STRAP: variants seen among roughly 807,000 people sequenced by gnomAD.
The protein encoded by STRAP is serine-threonine kinase receptor-associated protein.
STRAP carries 16 observed loss-of-function variants against 47.0 expected under a neutral mutation model. That is an observed-to-expected ratio of 0.34 (90% CI 0.23 to 0.52). The LOEUF (loss-of-function observed/expected upper bound fraction) is 0.52, where lower values mean the gene tolerates loss of function less well. STRAP is among the 20% of genes least tolerant of loss of function. STRAP has a pLI of 0.96. For synonymous variants in STRAP, 130 were observed against 142.7 expected, an observed-to-expected ratio of 0.91 and a Z score of 0.63; for missense variants, 293 against 420.0, an observed-to-expected ratio of 0.70 and a Z score of 2.64.
intron 9 of STRAP, among the ~76,000 whole-genome samples, chr12:15,901,716 C>T (rs997003031): frequency 6.6e-6 from 1 of 151,826 alleles, no homozygotes; most frequent in African/African-American, 2.4e-5. Context: ...CAAAAATTAG[C>T]CGGTCATGGT....
intron 1 of STRAP, chr12:15,883,141 T>A: frequency 6.5e-7 from 1 of 1,535,606 alleles, no homozygotes; most frequent in Non-Finnish European, 8.7e-7. Context: ...TTTCAAGGAT[T>A]TGGGGAAAGG....
chr12:15,889,016 C>A (rs975383337), intron 2 of STRAP, among the ~76,000 whole-genome samples: 1 of 152,142 alleles, frequency 6.6e-6, no homozygotes, highest in Non-Finnish European at 1.5e-5. Context: ...AAATGGAAAT[C>A]TCTATGGAAC....
chr12:15,902,223 C>T (rs976133861), intron 9 of STRAP, among the ~76,000 whole-genome samples: 19 of 152,138 alleles, frequency 1.2e-4, no homozygotes, highest in Admixed American at 3.3e-4. Flanking sequence ...CTGCCCACCT[C>T]GGCCTCCCAA....
At chr12:15,883,120 C>G in intron 1 of STRAP, 1 of 1,535,604 alleles carries the variant, frequency 6.5e-7, no homozygotes, top group Non-Finnish European at 8.7e-7. Context: ...CGGGACAACA[C>G]GGTAAATAGC....
chr12:15,898,601 TAGTA>T (rs1948079435), intron 7 of STRAP, among the ~76,000 whole-genome samples: 1 of 152,180 alleles, frequency 6.6e-6, no homozygotes, highest in African/African-American at 2.4e-5. Context: ...TAACAGTCCT[TAGTA>T]AGGGAAAGGG....
Position 15,890,800 on chromosome 12 carries a change from C to T in STRAP, c.403+131C>T, listed in dbSNP as rs895106542. 1.4e-6 allele frequency: 1 copy of T among 710,092 alleles called. No individual in the cohort carries two copies. The highest frequency in any genetic ancestry group is 2.3e-6 in the Non-Finnish European group (1 of 437,170). The allele number at this position is 710,092 out of a possible 1,614,324, so 44.0% of individuals were successfully genotyped here. A position where few individuals can be genotyped will look rare whatever the true frequency, so the allele number is the denominator to read the frequency against. ...CATGGCCGGGCACGGTGGCTCATACCTGTAATCCTAGCACTTTGGGAGACT... is the reference window on the plus strand; with the variant it reads ...CATGGCCGGGCACGGTGGCTCATACTTGTAATCCTAGCACTTTGGGAGACT... On this transcript the variant is annotated intron_variant, in intron 4 of 9. Coordinates refer to ENST00000419869, the MANE Select transcript of STRAP (RefSeq NM_007178.4). The surrounding 1 kb of genome is among the most constrained non-coding windows in gnomAD (Gnocchi z 4.5).
At chr12:15,889,632 G>A (rs1565574288) in intron 2 of STRAP, among the ~76,000 whole-genome samples, 1 of 152,128 alleles carries the variant, frequency 6.6e-6, no homozygotes, top group Admixed American at 6.5e-5. Flanking sequence ...AAGTAAGGAG[G>A]ATGGGTTGGT....
intron 8 of STRAP, among the ~76,000 whole-genome samples, chr12:15,900,564 C>A (rs946419236): frequency 2.0e-5 from 3 of 151,536 alleles, no homozygotes; most frequent in East Asian, 1.9e-4. Flanking sequence ...CTAGTCTGTT[C>A]CTAAATTTTT....
Position 15,896,534 on chromosome 12 carries a change from GT to G in STRAP, c.638+1039del, listed in dbSNP as rs985344822. ...TCTATGTTATATATGTGGGTGTACA[GT>G]ATTTGTGTTTTTTTTTTTAATTACT... On this transcript the variant is annotated intron_variant, in intron 6 of 9. Coordinates refer to ENST00000419869, the MANE Select transcript of STRAP (RefSeq NM_007178.4). This position sits in a 1 kb window ranked among gnomAD's most constrained non-coding sequence, Gnocchi z 4.1. 6.6e-6 allele frequency among the ~76,000 whole-genome samples: 1 copy of G among 151,598 alleles called. No individual in the cohort carries two copies. Among genetic ancestry groups the G allele is most frequent in the Non-Finnish European group, 1.5e-5 (1 of 67,910 alleles).
rs143238703 is a variant in STRAP at position 15,898,315 on chromosome 12, G to A, written c.775+297G>A. 6.1e-3 allele frequency: 1,091 copies of A among 179,774 alleles called. 14 individuals carry two copies. The highest frequency in any genetic ancestry group is 0.025 in the African/African-American group (1,049 of 41,778). 11.1% of individuals were successfully genotyped at this position (179,774 alleles called of 1,614,324 possible). A position where few individuals can be genotyped will look rare whatever the true frequency, so the allele number is the denominator to read the frequency against. On this transcript the variant is annotated intron_variant, in intron 7 of 9. Transcript: ENST00000419869. ...AGTTTTAGGCTTTATTGGCTGGGAG[G>A]GAGGGGGGAATCTTATGTCAAAGTC...
rs1948054798 is a variant in STRAP, at chr12:15,895,824, C to T, written c.638+328C>T. On this transcript the variant is annotated intron_variant, in intron 6 of 9. Transcript: ENST00000419869. ...GCTGCATTTTGCTGTGATCTTGACA[C>T]TGCACTCCAGTCTGGATGACAAAGC... Among the ~76,000 whole-genome samples, 4 of 141,326 alleles carry T rather than the reference C, an allele frequency of 2.8e-5. No individual in the cohort carries two copies. In the Admixed American group the frequency reaches 3.0e-4, roughly 10 times the overall value. The allele number at this position is 141,326 out of a possible 152,430, so 92.7% of individuals were successfully genotyped here.
intron 2 of STRAP, among the ~76,000 whole-genome samples, chr12:15,885,688 A>G (rs941753322): frequency 6.6e-6 from 1 of 151,994 alleles, no homozygotes; most frequent in African/African-American, 2.4e-5. Flanking sequence ...TTCAAGTCTC[A>G]ATGTCTGTGT....
In STRAP at chr12:15,897,863, T is replaced by C; in HGVS notation, c.639-19T>C. 2 of 1,484,020 alleles carry C rather than the reference T, an allele frequency of 1.3e-6. No homozygotes were observed. The highest frequency in any genetic ancestry group is 1.8e-6 in the Non-Finnish European group (2 of 1,116,224). 91.9% of individuals were successfully genotyped at this position (1,484,020 alleles called of 1,614,324 possible). On this transcript the variant is annotated intron_variant, in intron 6 of 9. Coordinates refer to ENST00000419869, the MANE Select transcript of STRAP (RefSeq NM_007178.4). ...TACCATATTCAAGATTTGTAAATAC[T>C]ACTTAAATTTTTTTTCAGTTTGGAC... is the stretch of plus-strand genomic sequence containing the variant.
At position 15,903,019 on chromosome 12, in the gene STRAP, C is replaced by T; in HGVS notation, c.*41C>T. 1 of 1,360,774 alleles carries T rather than the reference C, an allele frequency of 7.3e-7. No homozygotes were observed. The highest frequency in any genetic ancestry group is 9.5e-7 in the Non-Finnish European group (1 of 1,048,170). The allele number at this position is 1,360,774 out of a possible 1,614,324, so 84.3% of individuals were successfully genotyped here. ...GCAGTTAGTATACAACTGACTAAAACAAGCAAGCAGAGAAAAGCATCAGCC... is the reference window on the plus strand; with the variant it reads ...GCAGTTAGTATACAACTGACTAAAATAAGCAAGCAGAGAAAAGCATCAGCC... On this transcript the variant is annotated 3_prime_UTR_variant, in exon 10 of 10. Coordinates refer to ENST00000419869, the MANE Select transcript of STRAP (RefSeq NM_007178.4).
Position 15,882,603 on chromosome 12 carries a change from G to C in STRAP, c.-105G>C, listed in dbSNP as rs551555143. On this transcript the variant is annotated 5_prime_UTR_variant, in exon 1 of 10. Coordinates refer to ENST00000419869, the MANE Select transcript of STRAP (RefSeq NM_007178.4). ...TTTCCTGTTGCCCAGCCCAGCCCTA[G>C]TGTCAGGGCGGGGGCCTGGAGCAGC... 12 of 936,034 alleles carry C rather than the reference G, an allele frequency of 1.3e-5. No individual in the cohort carries two copies. In the East Asian group the frequency reaches 2.6e-4, roughly 20 times the overall value. The allele number at this position is 936,034 out of a possible 1,614,324, so 58.0% of individuals were successfully genotyped here.
intron 2 of STRAP, among the ~76,000 whole-genome samples, chr12:15,884,620 A>G (rs1250893669): frequency 6.6e-6 from 1 of 151,772 alleles, no homozygotes; most frequent in East Asian, 1.9e-4. Flanking sequence ...TATGTTGTCC[A>G]GGCTGTCTTA....
chr12:15,890,503 T>A lies in STRAP; in HGVS notation c.331-94T>A, dbSNP rs938677775. On this transcript the variant is annotated intron_variant, in intron 3 of 9. Transcript: ENST00000419869. The surrounding 1 kb of genome is among the most constrained non-coding windows in gnomAD (Gnocchi z 4.5). ...TCTTGGCATCTCTTTGTGATGTCTG[T>A]GAGCTAGATTTTGATTTTATTTGGT... 1 of 1,039,386 alleles carries A rather than the reference T, an allele frequency of 9.6e-7. No individual in the cohort carries two copies. Among genetic ancestry groups the A allele is most frequent in the Admixed American group, 2.1e-5 (1 of 48,756 alleles). 64.4% of individuals were successfully genotyped at this position (1,039,386 alleles called of 1,614,324 possible). A position where few individuals can be genotyped will look rare whatever the true frequency, so the allele number is the denominator to read the frequency against.
chr12:15,885,205 T>TTTTTTTTTA (rs1257112484), intron 2 of STRAP, among the ~76,000 whole-genome samples: 7 of 145,084 alleles, frequency 4.8e-5, no homozygotes, highest in African/African-American at 1.6e-4. Context: ...TTTTTTTTTT[T>TTTTTTTTTA]AAAGACAGAG....
chr12:15,900,922 A>G, intron 8 of STRAP, 25 bp from the exon 9 acceptor site: 1 of 1,566,666 alleles, frequency 6.4e-7, no homozygotes. Flanking sequence ...AAGTCATATA[A>G]TCGTCATTGC....
Sources: gnomAD v4.1 joint callset for allele counts (sites outside exome capture counted in the v4.1 genomes callset) on GRCh38, gnomAD v4.1.1 for gene constraint, Gnocchi (gnomAD v3.1) non-coding constraint, MANE v1.5 for transcripts, NCBI Gene and HGNC (gene_info 2026-07-23, HGNC 2026-07-21) for gene names.